Variants in PDZD2 observed in about 807,000 individuals in gnomAD.
PDZD2 encodes PDZ domain-containing protein 2.
PDZD2 carries 90 observed loss-of-function variants against 220.7 expected under a neutral mutation model. The observed-to-expected ratio is 0.41, with a 90% CI of 0.34 to 0.49. PDZD2 has a LOEUF of 0.49. Among genes scored for constraint, PDZD2 ranks in the 20% least tolerant of loss-of-function variants. The probability of loss-of-function intolerance (pLI) is 0.28; values close to 1 mark genes in which losing one functional copy is unlikely to be tolerated. For missense variants in PDZD2, 3,174 were observed against 3,608.5 expected (o/e 0.88, Z 3.08); for synonymous variants, 1,375 against 1,450.5 (o/e 0.95, Z 1.18).
intron 6 of PDZD2, among the ~76,000 whole-genome samples, chr5:32,016,172 G>A (rs1753767367): frequency 1.3e-5 from 2 of 152,222 alleles, no homozygotes; most frequent in Non-Finnish European, 2.9e-5. Flanking sequence ...GAGCCTGAAA[G>A]CCAGTATCCT....
At chr5:31,920,313 A>AT (rs1367676584) in intron 2 of PDZD2, among the ~76,000 whole-genome samples, 2 of 150,908 alleles carry the variant, frequency 1.3e-5, no homozygotes, top group East Asian at 1.9e-4. Flanking sequence ...TAAATAAATA[A>AT]TTTTTTCTGA....
chr5:31,745,077 A>AAAATAAAT (rs559349013), intron 1 of PDZD2, among the ~76,000 whole-genome samples: 10 of 152,018 alleles, frequency 6.6e-5, no homozygotes, highest in African/African-American at 2.2e-4. Flanking sequence ...CGTCTCAAAA[A>AAAATAAAT]AAATAAATAA....
At chr5:32,011,001 A>G (rs1218622172) in intron 6 of PDZD2, among the ~76,000 whole-genome samples, 3 of 115,028 alleles carry the variant, frequency 2.6e-5, no homozygotes, top group Admixed American at 1.0e-4. Context: ...CCTCTCCAAA[A>G]ACCTCTCAAA....
intron 1 of PDZD2, among the ~76,000 whole-genome samples, chr5:31,767,220 C>T (rs1009623464): frequency 3.3e-5 from 5 of 151,922 alleles, no homozygotes; most frequent in Non-Finnish European, 4.4e-5. Flanking sequence ...TTCGTAGAGA[C>T]GGGGTTTCAC....
At chr5:31,873,003 T>C (rs1295224558) in intron 2 of PDZD2, among the ~76,000 whole-genome samples, 1 of 152,202 alleles carries the variant, frequency 6.6e-6, no homozygotes, top group Non-Finnish European at 1.5e-5. Flanking sequence ...TAATCTAGTT[T>C]TGTGTAAGTA....
intron 2 of PDZD2, among the ~76,000 whole-genome samples, chr5:31,894,461 GT>G (rs1421145299): frequency 1.3e-5 from 2 of 151,878 alleles, no homozygotes; most frequent in Non-Finnish European, 2.9e-5. Flanking sequence ...CGTTCTTGAT[GT>G]TTTTTTCCCT....
chr5:31,777,762 C>A (rs900019894), intron 1 of PDZD2, among the ~76,000 whole-genome samples: 4 of 152,052 alleles, frequency 2.6e-5, no homozygotes. Context: ...ATGCACCAAT[C>A]AACACTCTGT....
At position 32,025,591 on chromosome 5, in the gene PDZD2, CTTTTT is replaced by C. The variant is rs70957998; in HGVS notation, c.1408-11616_1408-11612del. Among the ~76,000 whole-genome samples the C allele has an allele frequency of 3.5e-3, 234 of 67,492 alleles. 1 individual carries two copies. Among genetic ancestry groups the C allele is most frequent in the African/African-American group, 0.011 (174 of 15,218 alleles). The allele number at this position is 67,492 out of a possible 152,430, so 44.3% of individuals were successfully genotyped here. On this transcript the variant is annotated intron_variant, in intron 6 of 24. Coordinates refer to ENST00000438447, the MANE Select transcript of PDZD2 (RefSeq NM_178140.4). ...AGTGAGCCCAAATGTAACCATGATG[CTTTTT>C]TTTTTTTTTTTTTTTTTTTTTTTGG...
At chr5:31,984,742 C>T (rs1482753689) in intron 3 of PDZD2, among the ~76,000 whole-genome samples, 3 of 152,070 alleles carry the variant, frequency 2.0e-5, no homozygotes, top group Non-Finnish European at 4.4e-5. Context: ...GTGAGAGGAT[C>T]GCTTGAGTCT....
chr5:31,731,088 A>C (rs1410990470), intron 1 of PDZD2, among the ~76,000 whole-genome samples: 1 of 152,086 alleles, frequency 6.6e-6, no homozygotes, highest in Non-Finnish European at 1.5e-5. Flanking sequence ...TGGTTAATTT[A>C]TTTCTACCTC....
intron 18 of PDZD2, 88 bp from the exon 19 acceptor site, chr5:32,077,374 C>G: frequency 7.1e-7 from 1 of 1,409,500 alleles, no homozygotes; most frequent in Non-Finnish European, 9.9e-7. Context: ...TTTTCCTGAA[C>G]TAGCTCTGCT....
intron 7 of PDZD2, among the ~76,000 whole-genome samples, chr5:32,038,105 G>A (rs1581342572): frequency 7.0e-6 from 1 of 142,534 alleles, no homozygotes; most frequent in East Asian, 2.1e-4. Flanking sequence ...GCTTCCCAAA[G>A]TGCTGGGATT....
At chr5:31,990,386 G>A (rs1022035986) in intron 3 of PDZD2, among the ~76,000 whole-genome samples, 6 of 152,228 alleles carry the variant, frequency 3.9e-5, no homozygotes, top group African/African-American at 1.4e-4. Flanking sequence ...TAGTGCAGAA[G>A]TCCATAGCAT....
intron 2 of PDZD2, among the ~76,000 whole-genome samples, chr5:31,809,183 C>T (rs907890765): frequency 6.6e-6 from 1 of 152,154 alleles, no homozygotes; most frequent in Admixed American, 6.5e-5. Flanking sequence ...ACAGTGGGAG[C>T]TTGCTTTCCT....
chr5:31,773,824 C>T (rs10056142), intron 1 of PDZD2, among the ~76,000 whole-genome samples: 8,200 of 152,094 alleles, frequency 0.054, 701 homozygotes, highest in African/African-American at 0.18. Context: ...TCTCTGGGAC[C>T]GTGTTTACAT....
chr5:31,921,011 T>A (rs550937265), intron 2 of PDZD2, among the ~76,000 whole-genome samples: 1 of 152,340 alleles, frequency 6.6e-6, no homozygotes, highest in East Asian at 1.9e-4. Context: ...ATCTAGTCAC[T>A]TACTCAAGGA....
intron 1 of PDZD2, among the ~76,000 whole-genome samples, chr5:31,658,862 G>A (rs1035593829): frequency 2.1e-4 from 32 of 151,932 alleles, no homozygotes; most frequent in South Asian, 4.2e-4. Context: ...CTCGTGATCC[G>A]CCCGCCTCAT....
chr5:31,876,608 T>C (rs2150330448), intron 2 of PDZD2, among the ~76,000 whole-genome samples: 1 of 152,296 alleles, frequency 6.6e-6, no homozygotes, highest in East Asian at 1.9e-4. Context: ...TGGGTTTTTG[T>C]TTCCAGTGAT....
At chr5:32,030,491 CTTAA>C (rs768262452) in intron 6 of PDZD2, among the ~76,000 whole-genome samples, 13 of 152,218 alleles carry the variant, frequency 8.5e-5, no homozygotes, top group Non-Finnish European at 1.6e-4. Context: ...TTGGGAAAGA[CTTAA>C]TTGAGTTTCC....
Sources: gnomAD v4.1 joint callset for allele counts (sites outside exome capture counted in the v4.1 genomes callset) on GRCh38, gnomAD v4.1.1 for gene constraint, MANE v1.5 for transcripts, NCBI Gene and HGNC (gene_info 2026-07-23, HGNC 2026-07-21) for gene names.